LMBR1: variants seen among roughly 807,000 people sequenced by gnomAD.
LMBR1 encodes limb development membrane protein 1.
Under a neutral mutation model 73.9 loss-of-function variants are expected in LMBR1, and 52 were observed. That is an observed-to-expected ratio of 0.70 (90% CI 0.56 to 0.89). LMBR1 has a LOEUF of 0.89. LMBR1 is among the 40% of genes least tolerant of loss of function. The pLI is 0.00. For missense variants in LMBR1, 539 were observed against 579.8 expected (o/e 0.93, Z 0.72); for synonymous variants, 215 against 209.4 (o/e 1.03, Z -0.23).
chr7:156,684,610 G>A (rs76984505), intron 16 of LMBR1, among the ~76,000 whole-genome samples: 1 of 152,298 alleles, frequency 6.6e-6, no homozygotes, highest in East Asian at 1.9e-4. Flanking sequence ...TCTGAAGTGT[G>A]CTTCTCAGGG....
At chr7:156,743,256 T>A (rs748382596) in intron 9 of LMBR1, among the ~76,000 whole-genome samples, 3 of 152,148 alleles carry the variant, frequency 2.0e-5, no homozygotes, top group African/African-American at 7.2e-5. Flanking sequence ...TTTAGCTTCC[T>A]TGGGTCTGTG....
chr7:156,839,875 T>C (rs924298736), intron 1 of LMBR1, among the ~76,000 whole-genome samples: 4 of 152,130 alleles, frequency 2.6e-5, no homozygotes, highest in Non-Finnish European at 2.9e-5. Flanking sequence ...CCCAAAATTA[T>C]CTGGAGTGTA....
chr7:156,873,960 AG>A (rs1177744998), intron 1 of LMBR1, among the ~76,000 whole-genome samples: 6 of 152,168 alleles, frequency 3.9e-5, no homozygotes, highest in Non-Finnish European at 8.8e-5. Context: ...ATTCCGCACT[AG>A]GGCTGCAGGT....
At chr7:156,696,562 G>C (rs1563153362) in intron 15 of LMBR1, among the ~76,000 whole-genome samples, 1 of 152,274 alleles carries the variant, frequency 6.6e-6, no homozygotes, top group East Asian at 1.9e-4. Flanking sequence ...AGGGCGAAAG[G>C]CACTTCTCAC....
chr7:156,773,847 C>A (rs1825645592), intron 5 of LMBR1, among the ~76,000 whole-genome samples: 1 of 151,960 alleles, frequency 6.6e-6, no homozygotes, highest in South Asian at 2.1e-4. Flanking sequence ...CAAAAATCGA[C>A]AAATGGGACC....
chr7:156,817,808 T>C (rs543602281), intron 4 of LMBR1, among the ~76,000 whole-genome samples: 6 of 152,306 alleles, frequency 3.9e-5, no homozygotes, highest in African/African-American at 1.4e-4. Flanking sequence ...ACACATGTAC[T>C]CTTTTTTCTT....
chr7:156,776,540 G>A (rs1440707023), intron 5 of LMBR1, among the ~76,000 whole-genome samples: 1 of 152,010 alleles, frequency 6.6e-6, no homozygotes, highest in South Asian at 2.1e-4. Context: ...CTTTGAAACT[G>A]CCCTCTTAGT....
chr7:156,785,140 G>A (rs114949098), intron 5 of LMBR1, among the ~76,000 whole-genome samples: 2,293 of 152,182 alleles, frequency 0.015, 64 homozygotes, highest in African/African-American at 0.051. Flanking sequence ...GGCCAGGCAC[G>A]GTGGCATACA....
intron 5 of LMBR1, chr7:156,779,762 A>G: frequency 9.0e-7 from 1 of 1,109,466 alleles, no homozygotes; most frequent in Admixed American, 2.3e-5. Flanking sequence ...CACTTCATAC[A>G]CTATGTCTCT....
chr7:156,746,780 T>C (rs1819932225), intron 9 of LMBR1, among the ~76,000 whole-genome samples: 1 of 152,168 alleles, frequency 6.6e-6, no homozygotes. Context: ...AAGGAAACAA[T>C]GACTATCGTA....
intron 4 of LMBR1, among the ~76,000 whole-genome samples, chr7:156,812,619 G>A (rs2133627020): frequency 6.6e-6 from 1 of 152,208 alleles, no homozygotes; most frequent in South Asian, 2.1e-4. Flanking sequence ...AATGAGGAAG[G>A]CAACACTGTG....
At chr7:156,798,314 G>C (rs1260075708) in intron 4 of LMBR1, among the ~76,000 whole-genome samples, 1 of 152,192 alleles carries the variant, frequency 6.6e-6, no homozygotes, top group African/African-American at 2.4e-5. Flanking sequence ...ACTAGTAACA[G>C]TGCTATCAGC....
At chr7:156,786,376 T>C (rs1828109032) in intron 5 of LMBR1, among the ~76,000 whole-genome samples, 1 of 152,062 alleles carries the variant, frequency 6.6e-6, no homozygotes, top group Admixed American at 6.6e-5. Flanking sequence ...CGTTTAATAA[T>C]AGGTAAGAAT....
In LMBR1 at chr7:156,670,981, C is replaced by G. The variant is rs1222277703; in HGVS notation, n.867-1694G>C. Among the ~76,000 whole-genome samples the G allele has an allele frequency of 6.6e-6, 1 of 152,088 alleles. No homozygotes were observed. Among genetic ancestry groups the G allele is most frequent in the Non-Finnish European group, 1.5e-5 (1 of 68,016 alleles). On this transcript the variant is annotated intron_variant and non_coding_transcript_variant, in intron 4 of 4. Coordinates refer to the LMBR1 transcript ENST00000430825. The surrounding 1 kb of genome is among the most constrained non-coding windows in gnomAD (Gnocchi z 4.3). ...GTTAAAAGAGAGAGAGAGCTTATGA[C>G]AAAAATAACATAAAGCAGGAGAGGA... is the stretch of plus-strand genomic sequence containing the variant.
intron 5 of LMBR1, among the ~76,000 whole-genome samples, chr7:156,794,409 G>T (rs1027916852): frequency 6.6e-6 from 1 of 152,124 alleles, no homozygotes; most frequent in Admixed American, 6.5e-5. Flanking sequence ...CTGTAAGGGG[G>T]AACAGGAGAA....
At chr7:156,712,745 C>T (rs1479989229) in intron 15 of LMBR1, among the ~76,000 whole-genome samples, 2 of 152,060 alleles carry the variant, frequency 1.3e-5, no homozygotes, top group East Asian at 3.8e-4. Flanking sequence ...TTAAGTGAAA[C>T]AAGTCAGATA....
chr7:156,772,410 C>A (rs961367659), intron 5 of LMBR1, among the ~76,000 whole-genome samples: 1 of 152,176 alleles, frequency 6.6e-6, no homozygotes, highest in African/African-American at 2.4e-5. Context: ...CCATCTTTGA[C>A]AAACCCACAG....
At chr7:156,872,217 G>T (rs1799408304) in intron 1 of LMBR1, 1 of 151,890 alleles carries the variant, frequency 6.6e-6, no homozygotes, top group Non-Finnish European at 1.5e-5. Flanking sequence ...TCTCCATGGA[G>T]ACTGAATTAT....
At chr7:156,718,570 C>T (rs1350823932) in intron 15 of LMBR1, among the ~76,000 whole-genome samples, 1 of 151,892 alleles carries the variant, frequency 6.6e-6, no homozygotes, top group East Asian at 1.9e-4. Flanking sequence ...CAAAAAAATA[C>T]AAAAAATTAG....
Sources: gnomAD v4.1 joint callset for allele counts (sites outside exome capture counted in the v4.1 genomes callset) on GRCh38, gnomAD v4.1.1 for gene constraint, Gnocchi (gnomAD v3.1) non-coding constraint, MANE v1.5 for transcripts, NCBI Gene and HGNC (gene_info 2026-07-23, HGNC 2026-07-21) for gene names.